Variants in ACAD11 observed in about 807,000 individuals in gnomAD.
The protein encoded by ACAD11 is acyl-Coenzyme A dehydrogenase family, member 11.
In ACAD11, 83 loss-of-function variants were observed where a neutral mutation model predicts 102.2. The ratio of observed to expected loss-of-function variants is 0.81; its 90% CI spans 0.68 to 0.97. The LOEUF (loss-of-function observed/expected upper bound fraction) is 0.97, where lower values mean the gene tolerates loss of function less well. ACAD11 is among the 50% of genes least tolerant of loss of function. The probability of loss-of-function intolerance (pLI) is 0.00; values close to 1 mark genes in which losing one functional copy is unlikely to be tolerated. For synonymous variants in ACAD11, 324 were observed against 319.8 expected (o/e 1.01, Z -0.14); for missense variants, 901 against 951.7 (o/e 0.95, Z 0.70).
At position 132,631,421 on chromosome 3, in the gene ACAD11, T is replaced by G. The variant is rs1410613900; in HGVS notation, c.761A>C (p.Asp254Ala). ...ELSTIGHPLS[D>A]LAHFSLFYFW... The stretch of plus-strand genomic sequence containing the variant: ...GTAGAACAGGGAAAAATGAGCTAAG[T>G]CTGACAAAGGATGACCAATGGTTGA... The change falls in exon 6 of 20, where the codon GAC (aspartate) becomes GCC (alanine). Residue 254 changes from aspartate to alanine, a missense_variant. By Grantham distance (126) the Asp-to-Ala change is moderately radical (BLOSUM62 -2). Coordinates refer to ENST00000264990, the MANE Select transcript of ACAD11 (RefSeq NM_032169.5). 6.4e-7 allele frequency: 1 copy of G among 1,570,578 alleles called. No homozygotes were observed. The highest frequency in any genetic ancestry group is 8.7e-7 in the Non-Finnish European group (1 of 1,156,006).
At chr3:132,589,582 GA>G (rs1268892848) in intron 13 of ACAD11, among the ~76,000 whole-genome samples, 1 of 152,146 alleles carries the variant, frequency 6.6e-6, no homozygotes, top group African/African-American at 2.4e-5. Flanking sequence ...CAGGCTGAAG[GA>G]TCAACGCTAC....
intron 13 of ACAD11, among the ~76,000 whole-genome samples, chr3:132,588,962 C>T (rs1937964778): frequency 6.6e-6 from 1 of 152,112 alleles, no homozygotes; most frequent in Non-Finnish European, 1.5e-5. Flanking sequence ...AATCCTAACC[C>T]CCAAGCTGAT....
chr3:132,647,969 C>A (rs1427743555), intron 1 of ACAD11, among the ~76,000 whole-genome samples: 1 of 152,074 alleles, frequency 6.6e-6, no homozygotes, highest in African/African-American at 2.4e-5. Flanking sequence ...TAACACTAAT[C>A]CCATTCTTGA....
intron 13 of ACAD11, among the ~76,000 whole-genome samples, chr3:132,596,674 T>A (rs1467829653): frequency 6.6e-6 from 1 of 152,104 alleles, no homozygotes; most frequent in Non-Finnish European, 1.5e-5. Context: ...GTTCATATTC[T>A]AGCTTTGGGA....
At chr3:132,625,319 T>C (rs1038188682) in intron 9 of ACAD11, among the ~76,000 whole-genome samples, 4 of 152,228 alleles carry the variant, frequency 2.6e-5, no homozygotes, top group East Asian at 1.9e-4. Flanking sequence ...TCCTCTGATA[T>C]GTCCCTCTTC....
At chr3:132,632,981 C>A (rs544492887) in intron 5 of ACAD11, among the ~76,000 whole-genome samples, 1 of 152,168 alleles carries the variant, frequency 6.6e-6, no homozygotes, top group South Asian at 2.1e-4. Context: ...TGGGCTGAGA[C>A]GACAGCGTTT....
chr3:132,628,293 C>G (rs777907933), intron 8 of ACAD11, 47 bp downstream of exon 8: 6 of 1,363,638 alleles, frequency 4.4e-6, no homozygotes, highest in East Asian at 2.3e-5. Flanking sequence ...TTCACATACC[C>G]AATAAAGGCT....
chr3:132,644,251 T>C (rs1182791712), intron 2 of ACAD11, among the ~76,000 whole-genome samples: 1 of 152,128 alleles, frequency 6.6e-6, no homozygotes. Flanking sequence ...CCCCTCCTGT[T>C]CTCTGAAAAT....
chr3:132,651,300 T>C (rs1940923096), intron 1 of ACAD11, among the ~76,000 whole-genome samples: 1 of 152,160 alleles, frequency 6.6e-6, no homozygotes, highest in Admixed American at 6.5e-5. Context: ...TTCTCCTCAT[T>C]TCTTAAGGAT....
chr3:132,618,825 T>C, intron 10 of ACAD11, 53 bp from the exon 11 acceptor site: 2 of 1,446,728 alleles, frequency 1.4e-6, no homozygotes, highest in Non-Finnish European at 9.1e-7. Flanking sequence ...GGACTCACAG[T>C]AGTTTATTTC....
chr3:132,622,995 T>C (rs780233585), intron 9 of ACAD11, among the ~76,000 whole-genome samples: 5 of 152,244 alleles, frequency 3.3e-5, no homozygotes, highest in African/African-American at 7.2e-5. Flanking sequence ...GTTATGTTGC[T>C]AGTTCCTGTT....
At chr3:132,574,037 CA>C (rs1447038674) in intron 17 of ACAD11, among the ~76,000 whole-genome samples, 1 of 152,164 alleles carries the variant, frequency 6.6e-6, no homozygotes, top group Non-Finnish European at 1.5e-5. Context: ...TGAAAACAGG[CA>C]TATTTGTTAA....
chr3:132,575,515 C>T (rs188490984), intron 17 of ACAD11, among the ~76,000 whole-genome samples: 2 of 152,206 alleles, frequency 1.3e-5, no homozygotes, highest in East Asian at 3.9e-4. Flanking sequence ...CTCTAAAGAA[C>T]AAGAATCTGA....
intron 9 of ACAD11, among the ~76,000 whole-genome samples, chr3:132,624,870 G>A (rs1444042823): frequency 2.0e-5 from 3 of 151,790 alleles, no homozygotes; most frequent in African/African-American, 7.3e-5. Flanking sequence ...TTTTAGTAGA[G>A]ATTGGGTTTA....
At chr3:132,623,279 T>C (rs1939674061) in intron 9 of ACAD11, among the ~76,000 whole-genome samples, 1 of 152,182 alleles carries the variant, frequency 6.6e-6, no homozygotes, top group Non-Finnish European at 1.5e-5. Context: ...AGTATTGTAT[T>C]ATATGATACA....
At chr3:132,616,806 C>G (rs1157989072) in intron 11 of ACAD11, among the ~76,000 whole-genome samples, 1 of 152,118 alleles carries the variant, frequency 6.6e-6, no homozygotes, top group East Asian at 1.9e-4. Context: ...TGTGAATAGA[C>G]TTTAATTTTA....
intron 13 of ACAD11, among the ~76,000 whole-genome samples, chr3:132,591,181 A>G (rs369048651): frequency 1.3e-5 from 2 of 152,152 alleles, no homozygotes; most frequent in African/African-American, 2.4e-5. Flanking sequence ...TAACTTTTGT[A>G]TATGGTGTAA....
At chr3:132,586,850 T>C (rs763169041) in intron 13 of ACAD11, among the ~76,000 whole-genome samples, 17 of 152,204 alleles carry the variant, frequency 1.1e-4, no homozygotes, top group Admixed American at 4.6e-4. Flanking sequence ...CCCAACACTT[T>C]GGGAAGCTGA....
rs1338780172 is a variant in ACAD11 at position 132,577,002 on chromosome 3, TC to T, written c.1787del (p.Gly596GlufsTer18). The T allele has an allele frequency of 6.2e-7, 1 of 1,604,858 alleles. No homozygotes were observed. Among genetic ancestry groups the T allele is most frequent in the Admixed American group, 1.7e-5 (1 of 59,730 alleles). On this transcript the variant is annotated frameshift_variant, in exon 16 of 20. Coordinates refer to ENST00000264990, the MANE Select transcript of ACAD11 (RefSeq NM_032169.5). LOFTEE classifies it high-confidence loss of function. ...SVFGYTDNFHGGHFEIHFNQV... is the reference protein window; with the variant it reads ...SVFGYTDNFHXGHFEIHFNQV... ...GATTAAAATGGATCTCAAAATGTCC[TC>T]CATGAAAATTATCTATAAAATAGAA...
Sources: gnomAD v4.1 joint callset for allele counts (sites outside exome capture counted in the v4.1 genomes callset) on GRCh38, gnomAD v4.1.1 for gene constraint, MANE v1.5 for transcripts, NCBI Gene and HGNC (gene_info 2026-07-23, HGNC 2026-07-21) for gene names.